The following PCBD2 variants were observed in gnomAD, a reference collection of about 807,000 sequenced individuals.
The protein encoded by PCBD2 is pterin-4 alpha-carbinolamine dehydratase 2.
PCBD2 carries 12 observed loss-of-function variants against 16.4 expected under a neutral mutation model. The observed-to-expected ratio is 0.73, with a 90% CI of 0.47 to 1.19. PCBD2 has a LOEUF of 1.19. Among genes scored for constraint, PCBD2 ranks in the 50% most tolerant of loss-of-function variants. The pLI, the probability that PCBD2 is intolerant of heterozygous loss-of-function variation, is 0.00. For missense variants in PCBD2, 138 were observed against 156.8 expected (o/e 0.88, Z 0.64); for synonymous variants, 58 against 61.8 (o/e 0.94, Z 0.29).
At chr5:134,915,576 T>C (rs995444457) in intron 2 of PCBD2, among the ~76,000 whole-genome samples, 7 of 150,700 alleles carry the variant, frequency 4.6e-5, no homozygotes, top group African/African-American at 1.7e-4. Context: ...GCCTCCTGAG[T>C]AGCTGGTACT....
At chr5:134,959,232 C>A in intron 3 of PCBD2, 112 bp downstream of exon 3, 1 of 768,456 alleles carries the variant, frequency 1.3e-6, no homozygotes, top group East Asian at 2.9e-5. Flanking sequence ...AAGTCTTATC[C>A]TTTCTCTCAG....
intron 1 of PCBD2, 38 bp downstream of exon 1, chr5:134,905,261 T>C: frequency 8.3e-7 from 1 of 1,200,752 alleles, no homozygotes; most frequent in Non-Finnish European, 1.0e-6. Flanking sequence ...GGGTCCGGGG[T>C]CGGGGGGCGG....
intron 2 of PCBD2, among the ~76,000 whole-genome samples, chr5:134,929,405 A>G (rs2149534977): frequency 6.6e-6 from 1 of 152,140 alleles, no homozygotes; most frequent in South Asian, 2.1e-4. Context: ...AGAATCCAAA[A>G]GAAGATGGTG....
intron 2 of PCBD2, among the ~76,000 whole-genome samples, chr5:134,940,577 A>G (rs1450425398): frequency 6.6e-6 from 1 of 152,206 alleles, no homozygotes; most frequent in Admixed American, 6.5e-5. Flanking sequence ...CCCAGAGGGT[A>G]GTGGAGACTT....
chr5:134,920,265 T>C (rs554723114), intron 2 of PCBD2, among the ~76,000 whole-genome samples: 22 of 152,344 alleles, frequency 1.4e-4, no homozygotes, highest in Non-Finnish European at 2.6e-4. Flanking sequence ...AAGATTGAGA[T>C]CATGGAATTA....
intron 2 of PCBD2, among the ~76,000 whole-genome samples, chr5:134,948,662 T>G (rs1751326087): frequency 6.6e-6 from 1 of 152,142 alleles, no homozygotes; most frequent in Admixed American, 6.5e-5. Context: ...AGTTGCCATA[T>G]TTTTTCAATT....
intron 2 of PCBD2, among the ~76,000 whole-genome samples, chr5:134,921,311 A>G (rs1750900955): frequency 6.6e-6 from 1 of 152,166 alleles, no homozygotes; most frequent in South Asian, 2.1e-4. Flanking sequence ...GTCAGGTACT[A>G]GAATGTGAAG....
chr5:134,934,504 G>C (rs1751136443), intron 2 of PCBD2, among the ~76,000 whole-genome samples: 2 of 152,092 alleles, frequency 1.3e-5, no homozygotes, highest in South Asian at 4.1e-4. Flanking sequence ...CATTTTTTCT[G>C]ACATTGATCA....
intron 2 of PCBD2, among the ~76,000 whole-genome samples, chr5:134,956,931 C>T (rs1181421523): frequency 6.6e-6 from 1 of 152,170 alleles, no homozygotes; most frequent in Non-Finnish European, 1.5e-5. Flanking sequence ...AGAATGTAAT[C>T]ACATGACTTT....
chr5:134,941,454 AT>A (rs1751226268), intron 2 of PCBD2, among the ~76,000 whole-genome samples: 1 of 152,228 alleles, frequency 6.6e-6, no homozygotes, highest in Non-Finnish European at 1.5e-5. Flanking sequence ...TGCTCTTCTA[AT>A]TTTGCCCCTG....
chr5:134,920,155 C>T (rs1416993131), intron 2 of PCBD2, among the ~76,000 whole-genome samples: 1 of 152,194 alleles, frequency 6.6e-6, no homozygotes, highest in African/African-American at 2.4e-5. Context: ...AATATTCTCT[C>T]CCCTGTGTTG....
chr5:134,922,894 T>G (rs928505713), intron 2 of PCBD2, among the ~76,000 whole-genome samples: 1 of 152,110 alleles, frequency 6.6e-6, no homozygotes, highest in African/African-American at 2.4e-5. Flanking sequence ...GCCAGGATGG[T>G]CTCGATCTCC....
intron 2 of PCBD2, among the ~76,000 whole-genome samples, chr5:134,932,491 G>A (rs1407375673): frequency 3.3e-5 from 5 of 151,988 alleles, no homozygotes; most frequent in Admixed American, 6.6e-5. Context: ...ACAGGGATGC[G>A]CCACCACGCT....
intron 2 of PCBD2, among the ~76,000 whole-genome samples, chr5:134,932,365 G>T (rs1471007181): frequency 6.6e-6 from 1 of 151,086 alleles, no homozygotes; most frequent in Non-Finnish European, 1.5e-5. Flanking sequence ...TATTTGAGTT[G>T]TAGTCTTGCT....
intron 2 of PCBD2, among the ~76,000 whole-genome samples, chr5:134,954,815 C>T (rs974645621): frequency 4.6e-5 from 7 of 151,786 alleles, no homozygotes; most frequent in South Asian, 2.1e-4. Flanking sequence ...GATCTTGGCT[C>T]ACTGCAACCT....
chr5:134,906,194 ATTTTTTTTTTTTTTTTTT>A, intron 1 of PCBD2, among the ~76,000 whole-genome samples: 1 of 66,522 alleles, frequency 1.5e-5, no homozygotes, highest in South Asian at 8.1e-4. Flanking sequence ...TAATAGAAGA[ATTTTTTTTTTTTTTTTTT>A]TTTTTTTTTG....
intron 2 of PCBD2, among the ~76,000 whole-genome samples, chr5:134,920,327 C>T (rs1311605883): frequency 3.9e-5 from 6 of 152,170 alleles, no homozygotes; most frequent in Non-Finnish European, 8.8e-5. Flanking sequence ...GACTCACATC[C>T]CTGGTTCCCA....
chr5:134,926,170 G>A (rs1439140037), intron 2 of PCBD2: 4 of 316,552 alleles, frequency 1.3e-5, no homozygotes, highest in Non-Finnish European at 2.3e-5. Flanking sequence ...GATGGATCAC[G>A]TAACGAACAG....
At chr5:134,926,965 A>T (rs1561910067) in intron 2 of PCBD2, 2 of 398,566 alleles carry the variant, frequency 5.0e-6, no homozygotes, top group Non-Finnish European at 8.8e-6. Flanking sequence ...AGAAGTCATC[A>T]AAAGGCTATT....
Sources: gnomAD v4.1 joint callset for allele counts (sites outside exome capture counted in the v4.1 genomes callset) on GRCh38, gnomAD v4.1.1 for gene constraint, MANE v1.5 for transcripts, NCBI Gene and HGNC (gene_info 2026-07-23, HGNC 2026-07-21) for gene names.